CFAP92: variants seen among roughly 807,000 people sequenced by gnomAD.
CFAP92 encodes the protein uncharacterized protein CFAP92.
A neutral mutation model predicts 106.3 loss-of-function variants in CFAP92; 86 were observed. The observed-to-expected ratio is 0.81, with a 90% CI of 0.68 to 0.97. The LOEUF is 0.97. Ranked by LOEUF, CFAP92 falls within the 50% of genes least tolerant of loss-of-function variation. The pLI, the probability that CFAP92 is intolerant of heterozygous loss-of-function variation, is 0.00. For missense variants in CFAP92, 1,204 were observed against 1,283.8 expected (o/e 0.94, Z 0.95); for synonymous variants, 477 against 506.4 (o/e 0.94, Z 0.78).
At position 128,979,546 on chromosome 3, in the gene CFAP92, C is replaced by A. The variant is rs559322571; in HGVS notation, c.668-1361G>T. 1.9e-4 allele frequency among the ~76,000 whole-genome samples: 29 copies of A among 152,214 alleles called. No homozygotes were observed. In the East Asian group the frequency reaches 5.0e-3, roughly 26 times the overall value. On this transcript the variant is annotated intron_variant, in intron 4 of 15. Coordinates refer to ENST00000645291, the MANE Select transcript of CFAP92 (RefSeq NM_001394090.1). ...CAATAGCAAAGACTTGAAACCAACCCAAATGTCCAACAATGATAGGCTGGA... is the reference window on the plus strand; with the variant it reads ...CAATAGCAAAGACTTGAAACCAACCAAAATGTCCAACAATGATAGGCTGGA...
At chr3:128,931,544 T>TA (rs1491418678) in intron 12 of CFAP92, among the ~76,000 whole-genome samples, 17 of 147,356 alleles carry the variant, frequency 1.2e-4, no homozygotes, top group African/African-American at 3.7e-4. Context: ...TATATATATA[T>TA]TACACAAGAG....
chr3:128,938,010 G>T (rs527545429), intron 10 of CFAP92, among the ~76,000 whole-genome samples: 23 of 152,136 alleles, frequency 1.5e-4, no homozygotes, highest in Middle Eastern at 3.4e-3. Context: ...GTTGCAGTGA[G>T]CCGAGATCGC....
At chr3:129,022,176 G>A in the CFAP92 span, among the ~76,000 whole-genome samples, 1 of 152,206 alleles carries the variant, frequency 6.6e-6, no homozygotes, top group African/African-American at 2.4e-5. Context: ...AGGGGCAGGA[G>A]CTCCACAAAG....
chr3:128,913,148 A>C (rs758977695), intron 15 of CFAP92: 67 of 425,236 alleles, frequency 1.6e-4, no homozygotes, highest in South Asian at 6.9e-4. Flanking sequence ...GTTCCTTAGA[A>C]CCAGCCTTTA....
intron 12 of CFAP92, among the ~76,000 whole-genome samples, chr3:128,919,211 T>C (rs796251172): frequency 1.1e-4 from 17 of 152,048 alleles, no homozygotes. Context: ...CCCAAAGTGT[T>C]GGGATTACAG....
chr3:129,010,976 G>T, the CFAP92 span, among the ~76,000 whole-genome samples: 2 of 152,168 alleles, frequency 1.3e-5, no homozygotes, highest in East Asian at 3.9e-4. The surrounding 1 kb of genome is among the most constrained non-coding windows in gnomAD (Gnocchi z 4.3). Context: ...AGGAGCTAGA[G>T]CTGTTCCCTT....
At chr3:128,994,678 T>C (rs1004717924), upstream of CFAP92, among the ~76,000 whole-genome samples, 2 of 152,190 alleles carry the variant, frequency 1.3e-5, no homozygotes, top group Non-Finnish European at 2.9e-5. Context: ...GGCGCAGCAC[T>C]GTGTTGAAAT....
chr3:128,910,093 G>A lies in CFAP92; in HGVS notation c.*206C>T, dbSNP rs139352788. The A allele has an allele frequency of 1.5e-5, 25 of 1,613,840 alleles. No individual in the cohort carries two copies. Among genetic ancestry groups the A allele is most frequent in the Admixed American group, 1.7e-5 (1 of 60,002 alleles). ...CATCAACCTGTATGGCATGACGGCC[G>A]TGCTGTCGCGGGCCAGCCGCTCCAT... On this transcript the variant is annotated 3_prime_UTR_variant, in exon 16 of 16. Coordinates refer to ENST00000645291, the MANE Select transcript of CFAP92 (RefSeq NM_001394090.1).
chr3:129,014,855 G>A, the CFAP92 span, among the ~76,000 whole-genome samples: 2 of 152,102 alleles, frequency 1.3e-5, no homozygotes, highest in African/African-American at 4.8e-5. The surrounding 1 kb of genome is among the most constrained non-coding windows in gnomAD (Gnocchi z 4.3). Flanking sequence ...GGCCAGTGAG[G>A]AGGGGCCAGT....
chr3:128,925,844 G>T (rs1310349328), intron 12 of CFAP92, among the ~76,000 whole-genome samples: 6 of 152,132 alleles, frequency 3.9e-5, no homozygotes, highest in Non-Finnish European at 5.9e-5. Context: ...AACAAGACTG[G>T]CAGCTGACCA....
chr3:128,983,369 G>T (rs374048658), intron 4 of CFAP92, among the ~76,000 whole-genome samples: 5 of 152,186 alleles, frequency 3.3e-5, no homozygotes, highest in African/African-American at 1.2e-4. Flanking sequence ...TCCACTTTAA[G>T]GAGGGCAGTA....
chr3:129,018,556 A>G, the CFAP92 span, among the ~76,000 whole-genome samples: 2 of 152,188 alleles, frequency 1.3e-5, no homozygotes, highest in Non-Finnish European at 2.9e-5. Flanking sequence ...AGCCTGAAGT[A>G]TTTACTCTCT....
At chr3:129,000,419 G>T (rs1015615962) in intron 1 of CFAP92, among the ~76,000 whole-genome samples, 1 of 152,138 alleles carries the variant, frequency 6.6e-6, no homozygotes, top group African/African-American at 2.4e-5. Flanking sequence ...TTTTCAAACG[G>T]CAAGATTTTA....
At chr3:128,944,479 A>C (rs1940003278) in intron 10 of CFAP92, among the ~76,000 whole-genome samples, 1 of 152,194 alleles carries the variant, frequency 6.6e-6, no homozygotes, top group Admixed American at 6.5e-5. Context: ...CTGAACTCTG[A>C]GGACAGATGG....
intron 9 of CFAP92, among the ~76,000 whole-genome samples, chr3:128,957,442 G>C (rs748502934): frequency 7.2e-5 from 11 of 152,126 alleles, no homozygotes; most frequent in Non-Finnish European, 1.3e-4. Flanking sequence ...GTTATGTTAT[G>C]CGTTAAATAT....
intron 12 of CFAP92, among the ~76,000 whole-genome samples, chr3:128,924,458 T>G (rs1207497121): frequency 9.9e-6 from 1 of 100,578 alleles, no homozygotes; most frequent in Non-Finnish European, 2.0e-5. Context: ...TTTTTTTTTT[T>G]TTTGAGACAG....
intron 4 of CFAP92, among the ~76,000 whole-genome samples, chr3:128,981,990 T>C (rs1943565341): frequency 6.6e-6 from 1 of 152,236 alleles, no homozygotes; most frequent in Non-Finnish European, 1.5e-5. Flanking sequence ...TTAGCATCAT[T>C]CTTAATAGGC....
the CFAP92 span, among the ~76,000 whole-genome samples, chr3:129,009,883 C>T: frequency 6.6e-6 from 1 of 152,206 alleles, no homozygotes; most frequent in Non-Finnish European, 1.5e-5. Flanking sequence ...GTAACCTCGC[C>T]AACCTGTGCC....
At chr3:128,941,029 G>C (rs557694113) in intron 10 of CFAP92, among the ~76,000 whole-genome samples, 2 of 152,200 alleles carry the variant, frequency 1.3e-5, no homozygotes, top group African/African-American at 4.8e-5. Context: ...TTAGAATATT[G>C]AGTCTTCAAA....
Sources: gnomAD v4.1 joint callset for allele counts (sites outside exome capture counted in the v4.1 genomes callset) on GRCh38, gnomAD v4.1.1 for gene constraint, Gnocchi (gnomAD v3.1) non-coding constraint, MANE v1.5 for transcripts, NCBI Gene and HGNC (gene_info 2026-07-23, HGNC 2026-07-21) for gene names.